The following RBMS3 variants were observed in gnomAD, a reference collection of about 807,000 sequenced individuals.
RBMS3 encodes the protein RNA-binding motif, single-stranded-interacting protein 3.
Under a neutral mutation model 66.8 loss-of-function variants are expected in RBMS3, and 27 were observed. The observed-to-expected ratio is 0.40, with a 90% confidence interval of 0.30 to 0.56. The LOEUF is 0.56. RBMS3 is among the 20% of genes least tolerant of loss of function. The probability of loss-of-function intolerance (pLI) is 0.40; values close to 1 mark genes in which losing one functional copy is unlikely to be tolerated. For missense variants in RBMS3, 513 were observed against 549.5 expected, an observed-to-expected ratio of 0.93 and a Z score of 0.66; for synonymous variants, 188 against 183.0, an observed-to-expected ratio of 1.03 and a Z score of -0.22.
At chr3:29,808,901 A>T (rs1453991775) in intron 6 of RBMS3, among the ~76,000 whole-genome samples, 1 of 151,964 alleles carries the variant, frequency 6.6e-6, no homozygotes, top group Non-Finnish European at 1.5e-5. Context: ...CTTACTTTAA[A>T]AGATATTGTA....
chr3:29,640,177 C>T (rs1383972641), intron 4 of RBMS3, among the ~76,000 whole-genome samples: 3 of 151,692 alleles, frequency 2.0e-5, no homozygotes, highest in Non-Finnish European at 4.4e-5. Flanking sequence ...AGTATTTCCC[C>T]AGATGTACTA....
chr3:29,408,843 C>G (rs1446486480), intron 1 of RBMS3, among the ~76,000 whole-genome samples: 1 of 152,182 alleles, frequency 6.6e-6, no homozygotes, highest in Non-Finnish European at 1.5e-5. Flanking sequence ...TTTCACAAAG[C>G]ATGTTTTGTT....
chr3:29,498,101 TCTC>T (rs2043830646), intron 3 of RBMS3, among the ~76,000 whole-genome samples: 1 of 144,920 alleles, frequency 6.9e-6, no homozygotes, highest in African/African-American at 2.6e-5. Flanking sequence ...TTCAAACGAT[TCTC>T]CTGCCTCAGC....
At chr3:29,409,983 G>A (rs2040195289) in intron 1 of RBMS3, among the ~76,000 whole-genome samples, 1 of 152,112 alleles carries the variant, frequency 6.6e-6, no homozygotes, top group African/African-American at 2.4e-5. Context: ...GTTCACATTG[G>A]TTTTGGCAGC....
At chr3:29,403,622 C>T (rs551344021) in intron 1 of RBMS3, among the ~76,000 whole-genome samples, 10 of 151,794 alleles carry the variant, frequency 6.6e-5, no homozygotes, top group Non-Finnish European at 1.2e-4. Context: ...GTTGAACTGT[C>T]GGAATCACTG....
chr3:29,426,271 T>C (rs1055461655), intron 1 of RBMS3, among the ~76,000 whole-genome samples: 2 of 152,248 alleles, frequency 1.3e-5, no homozygotes, highest in Admixed American at 1.3e-4. Flanking sequence ...GAAAAACTGA[T>C]AATCTTTATA....
chr3:29,908,569 T>G (rs2060440735), intron 10 of RBMS3, among the ~76,000 whole-genome samples: 1 of 152,092 alleles, frequency 6.6e-6, no homozygotes, highest in South Asian at 2.1e-4. Context: ...TGTATAGAGT[T>G]TTTAATGCCC....
intron 4 of RBMS3, among the ~76,000 whole-genome samples, chr3:29,652,126 A>G (rs1398229148): frequency 1.3e-5 from 2 of 152,134 alleles, no homozygotes; most frequent in African/African-American, 4.8e-5. Flanking sequence ...CATCCCGAAC[A>G]ATTTAGAAAT....
chr3:29,394,630 A>G (rs11720823), intron 1 of RBMS3, among the ~76,000 whole-genome samples: 18,641 of 152,240 alleles, frequency 0.12, 1,618 homozygotes, highest in Admixed American at 0.28. Flanking sequence ...ATAAACGTCC[A>G]TGAAATCTTC....
At position 29,587,227 on chromosome 3, in the gene RBMS3, GTTTTT is replaced by G. The variant is rs537893659; in HGVS notation, c.399+40_399+44del. 2.4e-3 allele frequency: 514 copies of G among 213,192 alleles called. 15 individuals are homozygous for G. The highest frequency in any genetic ancestry group is 2.9e-3 in the Non-Finnish European group (424 of 148,548). 13.2% of individuals were successfully genotyped at this position (213,192 alleles called of 1,614,324 possible). ...TAAGGTAAGATTGATGTTTAGGGGT[GTTTTT>G]TTTTTTTTTTTTTTTTTGTGTGTGT... On this transcript the variant is annotated intron_variant, in intron 4 of 14. Coordinates refer to ENST00000383767, the MANE Select transcript of RBMS3 (RefSeq NM_001003793.3).
intron 4 of RBMS3, among the ~76,000 whole-genome samples, chr3:29,706,909 A>G (rs1352001820): frequency 6.6e-6 from 1 of 152,220 alleles, no homozygotes; most frequent in Non-Finnish European, 1.5e-5. Context: ...AAGGAAATAC[A>G]GACTTTTTTA....
intron 12 of RBMS3, among the ~76,000 whole-genome samples, chr3:29,956,187 A>C (rs1056274769): frequency 6.6e-6 from 1 of 152,082 alleles, no homozygotes; most frequent in Non-Finnish European, 1.5e-5. Flanking sequence ...CACTAGTCAC[A>C]GTTCTTTGTA....
intron 1 of RBMS3, among the ~76,000 whole-genome samples, chr3:29,335,488 G>A (rs1559497013): frequency 6.6e-6 from 1 of 152,134 alleles, no homozygotes; most frequent in Non-Finnish European, 1.5e-5. Context: ...CAATTTCAAG[G>A]GTCTAAAAGG....
At chr3:29,553,070 C>A (rs183433437) in intron 3 of RBMS3, among the ~76,000 whole-genome samples, 1 of 152,136 alleles carries the variant, frequency 6.6e-6, no homozygotes, top group African/African-American at 2.4e-5. Flanking sequence ...GCATTAAGTA[C>A]GTTCATATCT....
chr3:29,686,245 G>T (rs2051728748), intron 4 of RBMS3, among the ~76,000 whole-genome samples: 1 of 152,086 alleles, frequency 6.6e-6, no homozygotes, highest in South Asian at 2.1e-4. Context: ...AAAATTACTT[G>T]TATGTCTCTC....
At chr3:29,357,758 A>G (rs1011731785) in intron 1 of RBMS3, among the ~76,000 whole-genome samples, 16 of 152,134 alleles carry the variant, frequency 1.1e-4, no homozygotes, top group African/African-American at 3.6e-4. Flanking sequence ...ATGTGAGATG[A>G]TATCTCATTG....
rs1425911934 is a variant in RBMS3, at chr3:29,995,521, C to A, written c.1307+4312C>A. 2.0e-5 allele frequency among the ~76,000 whole-genome samples: 3 copies of A among 151,274 alleles called. No individual in the cohort carries two copies. In the East Asian group the frequency reaches 5.8e-4, roughly 29 times the overall value. ...GTTAAGGGCAGCCAGAGAGAAAGGT[C>A]GGGTTACCCTCAAAGGGAAGCCCAT... On this transcript the variant is annotated intron_variant, in intron 14 of 14. Coordinates refer to ENST00000383767, the MANE Select transcript of RBMS3 (RefSeq NM_001003793.3).
intron 1 of RBMS3, among the ~76,000 whole-genome samples, chr3:29,341,431 C>A (rs532733954): frequency 6.6e-6 from 1 of 152,046 alleles, no homozygotes; most frequent in Non-Finnish European, 1.5e-5. Context: ...CGTGGTCTTT[C>A]CATACCACTC....
chr3:29,807,796 G>A (rs1365534155), intron 6 of RBMS3, among the ~76,000 whole-genome samples: 1 of 151,584 alleles, frequency 6.6e-6, no homozygotes, highest in Non-Finnish European at 1.5e-5. Context: ...GAAGGGGTGT[G>A]TGTGTGTGTG....
Sources: allele counts gnomAD v4.1 joint callset (sites outside exome capture counted in the v4.1 genomes callset), GRCh38; gene constraint gnomAD v4.1.1; transcripts MANE v1.5; gene names NCBI Gene and HGNC (gene_info 2026-07-23, HGNC 2026-07-21).